CEP128: variants seen among roughly 807,000 people sequenced by gnomAD.
The protein encoded by CEP128 is centrosomal protein 128kDa.
Under a neutral mutation model 156.7 loss-of-function variants are expected in CEP128, and 132 were observed. That is an observed-to-expected ratio of 0.84 (90% CI 0.73 to 0.97). CEP128 has a LOEUF of 0.97. Among genes scored for constraint, CEP128 ranks in the 50% least tolerant of loss-of-function variants. The pLI, the probability that CEP128 is intolerant of heterozygous loss-of-function variation, is 0.00. For missense variants in CEP128, 1,252 were observed against 1,281.9 expected (o/e 0.98, Z 0.36); for synonymous variants, 469 against 448.9 (o/e 1.04, Z -0.57).
At chr14:80,625,312 G>C (rs935820042) in intron 19 of CEP128, among the ~76,000 whole-genome samples, 1 of 152,010 alleles carries the variant, frequency 6.6e-6, no homozygotes, top group Non-Finnish European at 1.5e-5. Context: ...TCTGGGTATT[G>C]GTTTTTATAC....
At chr14:80,595,514 G>A (rs1277727989) in intron 19 of CEP128, among the ~76,000 whole-genome samples, 1 of 152,028 alleles carries the variant, frequency 6.6e-6, no homozygotes, top group Non-Finnish European at 1.5e-5. Flanking sequence ...TATAAACAGA[G>A]AAAGTTTCTG....
At chr14:80,724,998 CATATATATATATACATATATG>C (rs1897962707) in intron 19 of CEP128, among the ~76,000 whole-genome samples, 1 of 143,804 alleles carries the variant, frequency 7.0e-6, no homozygotes, top group Non-Finnish European at 1.5e-5. Context: ...ATACATATAT[CATATATATATATACATATATG>C]ATATATATAT....
upstream of CEP128, among the ~76,000 whole-genome samples, chr14:80,944,750 A>G (rs1386069176): frequency 6.9e-6 from 1 of 144,444 alleles, no homozygotes; most frequent in Non-Finnish European, 1.5e-5. Context: ...TAAACCCGGA[A>G]GGCAGAGCTT....
At chr14:80,793,306 T>C (rs1158186557) in intron 13 of CEP128, among the ~76,000 whole-genome samples, 196 bp from the exon 14 acceptor site, 2 of 152,228 alleles carry the variant, frequency 1.3e-5, no homozygotes, top group Non-Finnish European at 2.9e-5. Flanking sequence ...ATTTTTTATA[T>C]AAATATTCCC....
At chr14:80,547,610 T>C (rs938629877) in intron 21 of CEP128, among the ~76,000 whole-genome samples, 2 of 152,134 alleles carry the variant, frequency 1.3e-5, no homozygotes, top group African/African-American at 4.8e-5. Context: ...AGCAGGAACC[T>C]TGTCTGCTGT....
intron 17 of CEP128, among the ~76,000 whole-genome samples, chr14:80,759,655 T>C (rs1347249823): frequency 6.6e-6 from 1 of 152,102 alleles, no homozygotes; most frequent in Non-Finnish European, 1.5e-5. Context: ...TTTAGATCTA[T>C]TTTCCACCCA....
chr14:80,800,117 T>C (rs772950333), intron 13 of CEP128, among the ~76,000 whole-genome samples: 1 of 152,220 alleles, frequency 6.6e-6, no homozygotes, highest in Non-Finnish European at 1.5e-5. Flanking sequence ...GTGGGCATCA[T>C]AGTCCTACCG....
At chr14:80,630,260 ACAGT>A (rs1339161375) in intron 19 of CEP128, among the ~76,000 whole-genome samples, 1 of 152,046 alleles carries the variant, frequency 6.6e-6, no homozygotes, top group African/African-American at 2.4e-5. Context: ...AATGAAAATT[ACAGT>A]CTATAAACTC....
intron 13 of CEP128, among the ~76,000 whole-genome samples, chr14:80,812,722 A>G (rs1240900348): frequency 6.6e-6 from 1 of 151,930 alleles, no homozygotes; most frequent in Admixed American, 6.6e-5. Flanking sequence ...GTGCCACCAC[A>G]CCTGGCTAAT....
intron 2 of CEP128, among the ~76,000 whole-genome samples, chr14:80,933,154 C>T (rs551604194): frequency 6.6e-6 from 1 of 152,160 alleles, no homozygotes; most frequent in African/African-American, 2.4e-5. Context: ...ACCCTACCAG[C>T]ATCCTGGAGA....
At chr14:80,729,052 GGTGGGGGTGTGTGTGT>G (rs1898131107) in intron 19 of CEP128, among the ~76,000 whole-genome samples, 3 of 94,688 alleles carry the variant, frequency 3.2e-5, no homozygotes, top group African/African-American at 5.6e-5. Flanking sequence ...AGGCTGGGCT[GGTGGGGGTGTGTGTGT>G]GTGTGTGTGT....
At chr14:80,808,624 T>C (rs1884323598) in intron 13 of CEP128, among the ~76,000 whole-genome samples, 1 of 151,882 alleles carries the variant, frequency 6.6e-6, no homozygotes, top group African/African-American at 2.4e-5. Context: ...TCAGGCATGC[T>C]CGGCCCACCA....
chr14:80,588,753 A>G (rs1167600668), intron 19 of CEP128, among the ~76,000 whole-genome samples: 1 of 152,006 alleles, frequency 6.6e-6, no homozygotes, highest in Non-Finnish European at 1.5e-5. Context: ...TTCCTTAAAA[A>G]CTTAATGTTA....
chr14:80,885,386 G>C (rs1888747794), intron 8 of CEP128, among the ~76,000 whole-genome samples: 1 of 152,178 alleles, frequency 6.6e-6, no homozygotes, highest in Non-Finnish European at 1.5e-5. Context: ...GCTCCGGCTG[G>C]CATCAGGTGG....
chr14:80,677,001 C>T (rs1896089415), intron 19 of CEP128, among the ~76,000 whole-genome samples: 1 of 152,044 alleles, frequency 6.6e-6, no homozygotes. Flanking sequence ...ATTATATTGG[C>T]CTCACATTTA....
rs1566650836 is a variant in CEP128 at position 80,821,636 on chromosome 14, C to CAT, written c.1209+9506_1209+9507insAT. Among the ~76,000 whole-genome samples the CAT allele has an allele frequency of 2.4e-5, 3 of 126,182 alleles. No homozygotes were observed. The Admixed American group carries it at 2.4e-4, about 10-fold the overall frequency. 82.8% of individuals were successfully genotyped at this position (126,182 alleles called of 152,430 possible). ...ACACACACACACACACACACACACACACACACATGCACACAAAGCTAAGAA... is the reference window on the plus strand; with the variant it reads ...ACACACACACACACACACACACACACATACACACATGCACACAAAGCTAAGAA... On this transcript the variant is annotated intron_variant, in intron 13 of 24. Transcript: ENST00000555265.
At chr14:80,558,574 C>A (rs192381913) in intron 21 of CEP128, among the ~76,000 whole-genome samples, 1,754 of 150,946 alleles carry the variant, frequency 0.012, 32 homozygotes, top group African/African-American at 0.041. Context: ...GGGCGTGAGC[C>A]ACCGCGCCTG....
intron 6 of CEP128, among the ~76,000 whole-genome samples, chr14:80,491,309 T>C (rs376934648): frequency 5.3e-5 from 8 of 152,280 alleles, no homozygotes; most frequent in African/African-American, 1.9e-4. Context: ...GCCAGCAGCA[T>C]GAGGTCTCTC....
intron 19 of CEP128, among the ~76,000 whole-genome samples, chr14:80,694,168 C>T (rs142436051): frequency 0.074 from 11,209 of 152,204 alleles, 573 homozygotes; most frequent in South Asian, 0.23. Context: ...AGCTCATCAA[C>T]ACTGGCCATT....
Sources: allele counts gnomAD v4.1 joint callset (sites outside exome capture counted in the v4.1 genomes callset), GRCh38; gene constraint gnomAD v4.1.1; transcripts MANE v1.5; gene names NCBI Gene and HGNC (gene_info 2026-07-23, HGNC 2026-07-21).